The following PRSS23 variants were observed in gnomAD, a reference collection of about 807,000 sequenced individuals.
The protein encoded by PRSS23 is serine protease 23.
A neutral mutation model predicts 34.7 loss-of-function variants in PRSS23; 25 were observed. That is an observed-to-expected ratio of 0.72 (90% confidence interval 0.53 to 1.01). PRSS23 has a LOEUF of 1.01. PRSS23 is among the 50% of genes least tolerant of loss of function. The probability of loss-of-function intolerance (pLI) is 0.00; values close to 1 mark genes in which losing one functional copy is unlikely to be tolerated. For missense variants in PRSS23, 445 were observed against 475.6 expected, an observed-to-expected ratio of 0.94 and a Z score of 0.60; for synonymous variants, 176 against 186.6, an observed-to-expected ratio of 0.94 and a Z score of 0.46.
At chr11:86,896,981 C>T (rs557731460) in intron 2 of PRSS23, among the ~76,000 whole-genome samples, 1 of 152,366 alleles carries the variant, frequency 6.6e-6, no homozygotes, top group South Asian at 2.1e-4. Context: ...CCCAGCAGGG[C>T]CGCTTTGCAA....
At chr11:86,951,518 A>G in exon 3 of PRSS23, 1 of 1,614,180 alleles carries the variant, frequency 6.2e-7, no homozygotes. Flanking sequence ...AATTTTGAAC[A>G]AGGCCACCAA....
At chr11:86,915,690 T>C (rs1949007323) in intron 2 of PRSS23, among the ~76,000 whole-genome samples, 1 of 151,654 alleles carries the variant, frequency 6.6e-6, no homozygotes. Context: ...TGTCCAACAA[T>C]AGATTGACCA....
At chr11:86,933,826 T>C (rs1949142556) in intron 2 of PRSS23, 1 of 152,234 alleles carries the variant, frequency 6.6e-6, no homozygotes, top group African/African-American at 2.4e-5. Context: ...CACCTTTTTT[T>C]CTTTTCGTAT....
intron 2 of PRSS23, among the ~76,000 whole-genome samples, chr11:86,845,903 A>G (rs1948482933): frequency 6.6e-6 from 1 of 152,200 alleles, no homozygotes; most frequent in African/African-American, 2.4e-5. Flanking sequence ...CTCCTTTACC[A>G]TGCTACTGCA....
At chr11:86,923,407 C>T (rs1396026923) in intron 2 of PRSS23, among the ~76,000 whole-genome samples, 2 of 152,156 alleles carry the variant, frequency 1.3e-5, no homozygotes, top group Non-Finnish European at 2.9e-5. Flanking sequence ...GCATAAACCA[C>T]CTTCTATTTC....
intron 2 of PRSS23, chr11:86,934,200 ACT>A (rs1949145585): frequency 6.6e-6 from 1 of 152,040 alleles, no homozygotes; most frequent in Non-Finnish European, 1.5e-5. Context: ...TCAAACCCAT[ACT>A]CTCTCACCGA....
chr11:86,951,644 T>C, exon 3 of PRSS23: 2 of 1,614,218 alleles, frequency 1.2e-6, no homozygotes, highest in Non-Finnish European at 1.7e-6. Flanking sequence ...AGTCAGTTCA[T>C]CTGCATCCAC....
intron 2 of PRSS23, among the ~76,000 whole-genome samples, chr11:86,867,883 A>AAAAAAAAAAAAAAAAAAG (rs1555076602): frequency 6.6e-6 from 1 of 151,198 alleles, no homozygotes; most frequent in African/African-American, 2.4e-5. Context: ...TCAAAAAAAA[A>AAAAAAAAAAAAAAAAAAG]AAAAAAAATA....
At chr11:86,865,552 A>G (rs867579924) in intron 2 of PRSS23, among the ~76,000 whole-genome samples, 57 of 152,356 alleles carry the variant, frequency 3.7e-4, no homozygotes, top group African/African-American at 1.3e-3. Context: ...GCCAAAGGAC[A>G]GGCAGGTAGA....
At chr11:86,861,189 G>A (rs1222314432) in intron 2 of PRSS23, among the ~76,000 whole-genome samples, 1 of 151,420 alleles carries the variant, frequency 6.6e-6, no homozygotes, top group Admixed American at 6.6e-5. Context: ...ATGTCACGGG[G>A]GGTGTCCACC....
intron 2 of PRSS23, among the ~76,000 whole-genome samples, chr11:86,861,462 G>A (rs1948614509): frequency 1.3e-5 from 2 of 151,714 alleles, no homozygotes; most frequent in Admixed American, 1.3e-4. Context: ...TGTATTATCG[G>A]TGGGGAAGTG....
rs541810127 is a variant in PRSS23, at chr11:86,893,735, AT to A, written c.207-57473del. Among the ~76,000 whole-genome samples the A allele has an allele frequency of 1.4e-3, 215 of 152,240 alleles. 1 individual carries two copies. Among genetic ancestry groups the A allele is most frequent in the Non-Finnish European group, 2.5e-3 (169 of 68,012 alleles). ...TAAAAGTATATTCTTCTTGTTAAAA[AT>A]TTTTTTTAAATAAAGGTAAATTATT... On this transcript the variant is annotated intron_variant, in intron 2 of 2. Coordinates refer to the PRSS23 transcript ENST00000533902.
intron 2 of PRSS23, among the ~76,000 whole-genome samples, chr11:86,887,510 G>A (rs1367256121): frequency 6.6e-6 from 1 of 151,992 alleles, no homozygotes; most frequent in Non-Finnish European, 1.5e-5. Flanking sequence ...TAGATGAGAA[G>A]ATTCAGCAAA....
intron 2 of PRSS23, among the ~76,000 whole-genome samples, chr11:86,833,818 C>T (rs1948380451): frequency 1.3e-5 from 2 of 152,172 alleles, no homozygotes; most frequent in Non-Finnish European, 2.9e-5. Context: ...AGTCCCCCCT[C>T]TCAACAGGAA....
intron 2 of PRSS23, chr11:86,934,161 G>C (rs1949145256): frequency 6.6e-6 from 1 of 152,154 alleles, no homozygotes; most frequent in South Asian, 2.1e-4. Flanking sequence ...ATGTATGTTT[G>C]TACAGCAAAT....
chr11:86,869,052 A>G (rs908283038), intron 2 of PRSS23, among the ~76,000 whole-genome samples: 1 of 152,156 alleles, frequency 6.6e-6, no homozygotes, highest in Non-Finnish European at 1.5e-5. Flanking sequence ...GAGTCAAGCG[A>G]TCTGCCTGCC....
chr11:86,800,497 G>T (rs865919394), upstream of PRSS23: 27 of 984,048 alleles, frequency 2.7e-5, no homozygotes, highest in Non-Finnish European at 3.1e-5. Context: ...CGGGTGGCGC[G>T]GGGGGCGGAC....
In PRSS23 at chr11:86,869,032, A is replaced by G. The variant is rs933655242; in HGVS notation, c.206+45439A>G. ...TTTGCCATGTTGCCCGGGCTGCTCTAAAAGTCCTGGAGTCAAGCGATCTGC... is the reference window on the plus strand; with the variant it reads ...TTTGCCATGTTGCCCGGGCTGCTCTGAAAGTCCTGGAGTCAAGCGATCTGC... On this transcript the variant is annotated intron_variant, in intron 2 of 2. Transcript: ENST00000533902. 2.6e-5 allele frequency among the ~76,000 whole-genome samples: 4 copies of G among 152,018 alleles called. No homozygotes were observed. In the East Asian group the frequency reaches 7.7e-4, roughly 29 times the overall value.
At chr11:86,878,960 T>C (rs1274608297) in intron 2 of PRSS23, among the ~76,000 whole-genome samples, 1 of 91,010 alleles carries the variant, frequency 1.1e-5, no homozygotes, top group East Asian at 3.9e-4. Flanking sequence ...CCGGCCGCCA[T>C]CCCGTCTAGG....
Sources: allele counts gnomAD v4.1 joint callset (sites outside exome capture counted in the v4.1 genomes callset), GRCh38; gene constraint gnomAD v4.1.1; transcripts MANE v1.5; gene names NCBI Gene and HGNC (gene_info 2026-07-23, HGNC 2026-07-21).